The following SLC1A6 variants were observed in gnomAD, a reference collection of about 807,000 sequenced individuals.
The protein encoded by SLC1A6 is solute carrier family 1 member 6.
SLC1A6 carries 15 observed loss-of-function variants against 42.1 expected under a neutral mutation model. The ratio of observed to expected loss-of-function variants is 0.36; its 90% confidence interval spans 0.24 to 0.55. The LOEUF is 0.55. Ranked by LOEUF, SLC1A6 falls within the 20% of genes least tolerant of loss-of-function variation. The probability of loss-of-function intolerance (pLI) is 0.88; values close to 1 mark genes in which losing one functional copy is unlikely to be tolerated. For missense variants in SLC1A6, 542 were observed against 772.5 expected (o/e 0.70, Z 3.54); for synonymous variants, 317 against 319.7 (o/e 0.99, Z 0.09).
intron 2 of SLC1A6, among the ~76,000 whole-genome samples, chr19:14,972,121 T>C (rs2045647390): frequency 6.6e-6 from 1 of 152,220 alleles, no homozygotes; most frequent in Non-Finnish European, 1.5e-5. Context: ...TAAATGTGTG[T>C]GTATATATCC....
At chr19:14,969,282 T>A (rs2045610677) in intron 3 of SLC1A6, among the ~76,000 whole-genome samples, 1 of 152,242 alleles carries the variant, frequency 6.6e-6, no homozygotes, top group Non-Finnish European at 1.5e-5. Flanking sequence ...AATCTGCTGA[T>A]CCTTCAGCCC....
intron 1 of SLC1A6, among the ~76,000 whole-genome samples, chr19:15,002,011 A>T (rs1369798534): frequency 2.0e-5 from 3 of 152,146 alleles, no homozygotes; most frequent in African/African-American, 7.2e-5. Flanking sequence ...AGATTTTCCA[A>T]GTAAAAAGTG....
intron 1 of SLC1A6, among the ~76,000 whole-genome samples, chr19:15,001,145 A>G (rs995630930): frequency 3.4e-5 from 5 of 146,402 alleles, no homozygotes; most frequent in African/African-American, 1.3e-4. Context: ...TTAAGGGTCT[A>G]CTTTGTTCCA....
rs777646057 is a variant in SLC1A6, at chr19:14,952,913, C to CTAGAGAACACTCA, written c.1499+2_1499+14dup. The CTAGAGAACACTCA allele has an allele frequency of 1.2e-6, 2 of 1,612,602 alleles. No individual in the cohort carries two copies. The highest frequency in any genetic ancestry group is 1.7e-4 in the Middle Eastern group (1 of 6,056). On this transcript the variant is annotated intron_variant, in intron 9 of 9. Transcript: ENST00000594383. ...AGAAGCAGGAGCACCAGGGTCCAGC[C>CTAGAGAACACTCA]TAGAGAACACTCACAGGAACCAGTC...
Position 14,952,977 on chromosome 19 carries a change from C to T in SLC1A6, c.1450G>A (p.Gly484Ser), listed in dbSNP as rs770765624. The change falls in exon 9 of 10, where the codon GGC (glycine) becomes AGC (serine). Residue 484 changes from glycine (G) to serine (S), a missense_variant. Transcript: ENST00000594383. Reference sequence around the variant, plus strand: ...AGCGTGATGTCTTCCGTGGGCAAGCCGACCGACGTAAGCACAATGACCATG... The same window carrying T: ...AGCGTGATGTCTTCCGTGGGCAAGCTGACCGACGTAAGCACAATGACCATG... ...VTMVIVLTSV[G>S]LPTEDITLII... The T allele has an allele frequency of 1.2e-5, 20 of 1,613,830 alleles. No individual in the cohort carries two copies. In the Middle Eastern group the frequency reaches 4.9e-4, roughly 40 times the overall value.
chr19:15,003,303 C>T, intron 1 of SLC1A6, among the ~76,000 whole-genome samples: 1 of 152,080 alleles, frequency 6.6e-6, no homozygotes, highest in Non-Finnish European at 1.5e-5. Flanking sequence ...GAGGGACTGA[C>T]CAGGGGTACA....
chr19:14,961,019 C>T (rs1400340513), intron 6 of SLC1A6, among the ~76,000 whole-genome samples: 1 of 150,904 alleles, frequency 6.6e-6, no homozygotes, highest in Non-Finnish European at 1.5e-5. Context: ...TCAATCTGTC[C>T]TCCCGCCTCA....
At chr19:15,003,651 A>G (rs1258463549) in intron 1 of SLC1A6, among the ~76,000 whole-genome samples, 1 of 129,326 alleles carries the variant, frequency 7.7e-6, no homozygotes, top group African/African-American at 2.9e-5. Context: ...GGGCATCTCC[A>G]TGTAATGCCA....
At chr19:14,975,743 A>C in intron 1 of SLC1A6, among the ~76,000 whole-genome samples, 1 of 121,670 alleles carries the variant, frequency 8.2e-6, no homozygotes, top group African/African-American at 3.2e-5. Context: ...ACAAAGCCAG[A>C]CTTTGTCAAA....
At chr19:14,967,114 G>C (rs1008748120) in intron 4 of SLC1A6, among the ~76,000 whole-genome samples, 5 of 152,086 alleles carry the variant, frequency 3.3e-5, no homozygotes, top group Non-Finnish European at 7.4e-5. Flanking sequence ...TGATGCTTAG[G>C]CAAATACCAG....
At chr19:14,990,430 A>G (rs1220801626) in intron 1 of SLC1A6, among the ~76,000 whole-genome samples, 1 of 152,164 alleles carries the variant, frequency 6.6e-6, no homozygotes, top group East Asian at 1.9e-4. Context: ...AAGTTGGAGG[A>G]TTGGGGAGAT....
intron 1 of SLC1A6, among the ~76,000 whole-genome samples, chr19:15,009,375 CTATA>C (rs1315287508): frequency 6.6e-6 from 1 of 151,666 alleles, no homozygotes; most frequent in Non-Finnish European, 1.5e-5. Context: ...TGTATGTGCT[CTATA>C]TATAGCAGAT....
chr19:14,975,870 G>GGAAGGGAAGGGGAC (rs1360298521), intron 1 of SLC1A6, among the ~76,000 whole-genome samples: 1 of 50,868 alleles, frequency 2.0e-5, no homozygotes, highest in Non-Finnish European at 3.9e-5. Context: ...GGAAGGGAAG[G>GGAAGGGAAGGGGAC]AAAGGGAAGG....
In SLC1A6 at chr19:15,008,212, G is replaced by A. The variant is rs541076988; in HGVS notation, c.6+2273C>T. On this transcript the variant is annotated intron_variant, in intron 1 of 8. Coordinates refer to the SLC1A6 transcript ENST00000430939. ...ATTTAAAAATTAGCCAAGTGTGGTG[G>A]CGTGCGCCTATAGTCCTCGCTTTTT... Among the ~76,000 whole-genome samples, 228 of 152,030 alleles carry A rather than the reference G, an allele frequency of 1.5e-3. 3 individuals carry two copies. The highest frequency in any genetic ancestry group is 6.8e-3 in the Middle Eastern group (2 of 294).
intron 5 of SLC1A6, among the ~76,000 whole-genome samples, chr19:14,962,839 G>A (rs1031525005): frequency 6.6e-6 from 1 of 152,066 alleles, no homozygotes; most frequent in Non-Finnish European, 1.5e-5. Context: ...GGAGGCGGAG[G>A]TTGCAGTGAG....
chr19:14,987,904 G>A (rs1360037796), intron 1 of SLC1A6, among the ~76,000 whole-genome samples: 1 of 152,160 alleles, frequency 6.6e-6, no homozygotes, highest in Non-Finnish European at 1.5e-5. Context: ...TGTTGCCCAG[G>A]CTGAAGTGCA....
intron 6 of SLC1A6, among the ~76,000 whole-genome samples, chr19:14,960,351 C>G (rs1425752804): frequency 6.6e-6 from 1 of 152,030 alleles, no homozygotes; most frequent in East Asian, 1.9e-4. Context: ...ATGAATCCAT[C>G]AATGATTTAA....
At chr19:15,001,753 C>T (rs2045873587) in intron 1 of SLC1A6, among the ~76,000 whole-genome samples, 1 of 151,760 alleles carries the variant, frequency 6.6e-6, no homozygotes, top group Non-Finnish European at 1.5e-5. Flanking sequence ...CTCGACCTCC[C>T]TTGGCTCAGG....
At position 14,972,826 on chromosome 19, in the gene SLC1A6, T is replaced by G. The variant is rs2045658620; in HGVS notation, c.85A>C (p.Ser29Arg). Reference sequence around the variant, plus strand: ...GTGCGCAGTGCTCTCTGCTGCAGGCTTTCCTGCAGCCGCTGCAGCCAGCCC... The same window carrying G: ...GTGCGCAGTGCTCTCTGCTGCAGGCGTTCCTGCAGCCGCTGCAGCCAGCCC... ...RVGWLQRLQESLQQRALRTRL... is the reference protein window; with the variant it reads ...RVGWLQRLQERLQQRALRTRL... Residue 29 changes from serine to arginine, a missense_variant, in exon 2 of 10, where the codon AGC (serine) becomes CGC (arginine). Ser to Arg is a moderately radical substitution (Grantham distance 110). This residue lies in a region of SLC1A6 where 88 missense variants were observed against 85.5 expected (regional missense o/e 1.03). Transcript: ENST00000594383. The G allele has an allele frequency of 6.2e-7, 1 of 1,608,714 alleles. No homozygotes were observed. Among genetic ancestry groups the G allele is most frequent in the South Asian group, 1.1e-5 (1 of 90,510 alleles).
Sources: gnomAD v4.1 joint callset for allele counts (sites outside exome capture counted in the v4.1 genomes callset) on GRCh38, gnomAD v4.1.1 for gene constraint, gnomAD v4.1.1 regional missense constraint, MANE v1.5 for transcripts, NCBI Gene and HGNC (gene_info 2026-07-23, HGNC 2026-07-21) for gene names.